RPTOR: variants seen among roughly 807,000 people sequenced by gnomAD.
RPTOR encodes the protein regulatory associated protein of MTOR complex 1, also known as regulatory-associated protein of mTOR.
Under a neutral mutation model 169.9 loss-of-function variants are expected in RPTOR, and 21 were observed. The observed-to-expected ratio is 0.12, with a 90% confidence interval of 0.09 to 0.18. The LOEUF is 0.18. Among genes scored for constraint, RPTOR ranks in the 10% least tolerant of loss-of-function variants. The probability of loss-of-function intolerance (pLI) is 1.00; values close to 1 mark genes in which losing one functional copy is unlikely to be tolerated. For missense variants in RPTOR, 1,133 were observed against 1,855.9 expected, an observed-to-expected ratio of 0.61 and a Z score of 7.16; for synonymous variants, 732 against 753.2, an observed-to-expected ratio of 0.97 and a Z score of 0.46.
At chr17:80,687,385 C>T (rs1010559907) in intron 3 of RPTOR, among the ~76,000 whole-genome samples, 7 of 152,262 alleles carry the variant, frequency 4.6e-5, no homozygotes, top group African/African-American at 1.7e-4. Flanking sequence ...AGGACTCTGC[C>T]ACTGGTCACT....
At chr17:80,681,787 A>ATGAGGTGTACGTCTCTTACACCTTCT (rs796827564) in intron 3 of RPTOR, among the ~76,000 whole-genome samples, 1 of 61,250 alleles carries the variant, frequency 1.6e-5, no homozygotes, top group Non-Finnish European at 3.3e-5. Context: ...TTACACCTTC[A>ATGAGGTGTACGTCTCTTACACCTTCT]TGAGGTGTAC....
intron 20 of RPTOR, among the ~76,000 whole-genome samples, chr17:80,904,931 T>C (rs978640828): frequency 6.6e-6 from 1 of 152,212 alleles, no homozygotes; most frequent in African/African-American, 2.4e-5. Context: ...TTTTTTCCCC[T>C]GTTGAGTCGC....
intron 3 of RPTOR, among the ~76,000 whole-genome samples, chr17:80,661,195 G>A (rs1220751232): frequency 1.3e-5 from 2 of 152,180 alleles, no homozygotes; most frequent in Non-Finnish European, 2.9e-5. Flanking sequence ...TGGCTGACTT[G>A]GTGAAATCTT....
chr17:80,855,369 C>A, intron 11 of RPTOR, 95 bp from the exon 12 acceptor site: 1 of 886,634 alleles, frequency 1.1e-6, no homozygotes, highest in South Asian at 1.4e-5. Context: ...GAACTGTGGT[C>A]AGACCGCTCC....
At chr17:80,811,744 G>A (rs1419108285) in intron 7 of RPTOR, among the ~76,000 whole-genome samples, 11 of 123,564 alleles carry the variant, frequency 8.9e-5, no homozygotes, top group African/African-American at 3.4e-4. Flanking sequence ...CTCCAACAAG[G>A]CCTCAACCTC....
At chr17:80,638,754 A>G (rs1031273806) in intron 2 of RPTOR, among the ~76,000 whole-genome samples, 4 of 152,202 alleles carry the variant, frequency 2.6e-5, no homozygotes, top group East Asian at 1.9e-4. Context: ...AAGTGAGGAC[A>G]GTTTTTTAAA....
At chr17:80,583,182 G>GTTTTTTTTTTTTTT (rs1166711662) in intron 1 of RPTOR, among the ~76,000 whole-genome samples, 46 of 79,248 alleles carry the variant, frequency 5.8e-4, no homozygotes, top group Non-Finnish European at 8.1e-4. Context: ...CCTCTTTCCT[G>GTTTTTTTTTTTTTT]TTTTTTTTTT....
intron 6 of RPTOR, among the ~76,000 whole-genome samples, chr17:80,773,072 G>A (rs118011999): frequency 0.016 from 2,496 of 152,312 alleles, 28 homozygotes; most frequent in Non-Finnish European, 0.026. Flanking sequence ...GGTGGCATGC[G>A]CTGGCACTGG....
chr17:80,555,190 C>T (rs1268773420), intron 1 of RPTOR, among the ~76,000 whole-genome samples: 1 of 152,152 alleles, frequency 6.6e-6, no homozygotes, highest in Admixed American at 6.5e-5. Flanking sequence ...TCAGGCAGGG[C>T]CTTGAAGTGA....
At chr17:80,755,271 T>C (rs1048847827) in intron 6 of RPTOR, among the ~76,000 whole-genome samples, 4 of 152,088 alleles carry the variant, frequency 2.6e-5, no homozygotes, top group South Asian at 4.1e-4. Context: ...GGGAGAGACC[T>C]CCTTTTAGTG....
At chr17:80,648,453 C>A (rs2065613689) in intron 3 of RPTOR, among the ~76,000 whole-genome samples, 1 of 151,952 alleles carries the variant, frequency 6.6e-6, no homozygotes, top group Admixed American at 6.6e-5. Context: ...TGCTGCTTGA[C>A]CTGTCCACCT....
chr17:80,929,752 C>T (rs1015070643), intron 24 of RPTOR, among the ~76,000 whole-genome samples: 6 of 152,196 alleles, frequency 3.9e-5, no homozygotes, highest in Non-Finnish European at 7.4e-5. Flanking sequence ...ATAGTCCCCA[C>T]GCAGGGTTCC....
intron 28 of RPTOR, among the ~76,000 whole-genome samples, chr17:80,951,526 C>T (rs116135481): frequency 1.2e-4 from 18 of 152,324 alleles, no homozygotes; most frequent in African/African-American, 4.3e-4. Flanking sequence ...GAAGGCTGTG[C>T]CAGCTGTGGG....
chr17:80,930,132 G>C (rs1057098353), intron 24 of RPTOR, among the ~76,000 whole-genome samples: 149 of 11,410 alleles, frequency 0.013, no homozygotes, highest in Non-Finnish European at 0.013. Flanking sequence ...ATCCCCAGCT[G>C]CTCCTCAGCT....
chr17:80,579,601 C>CTT (rs2064997420), intron 1 of RPTOR, among the ~76,000 whole-genome samples: 1 of 152,244 alleles, frequency 6.6e-6, no homozygotes, highest in South Asian at 2.1e-4. Context: ...AGGATCTAGT[C>CTT]TTTTCTCTCT....
intron 9 of RPTOR, among the ~76,000 whole-genome samples, chr17:80,831,443 T>C (rs906936784): frequency 2.0e-5 from 3 of 152,228 alleles, no homozygotes; most frequent in African/African-American, 7.2e-5. Context: ...TTAGACACTC[T>C]CACCACGTCC....
At chr17:80,891,348 T>C (rs2068320879) in intron 17 of RPTOR, among the ~76,000 whole-genome samples, 2 of 152,200 alleles carry the variant, frequency 1.3e-5, no homozygotes, top group Admixed American at 6.5e-5. Context: ...TAGAGCGGCG[T>C]TTTCAGCCAG....
intron 2 of RPTOR, among the ~76,000 whole-genome samples, chr17:80,632,326 TC>T (rs1183060035): frequency 6.6e-6 from 1 of 152,228 alleles, no homozygotes; most frequent in Non-Finnish European, 1.5e-5. Context: ...CTGTGTGTGC[TC>T]CGGGGACGGG....
chr17:80,674,787 C>CAAAAA (rs9319608), intron 3 of RPTOR, among the ~76,000 whole-genome samples: 30 of 89,974 alleles, frequency 3.3e-4, no homozygotes, highest in African/African-American at 5.7e-4. Context: ...GACTCTGTCT[C>CAAAAA]AAAAAAAAAA....
Sources: gnomAD v4.1 joint callset for allele counts (sites outside exome capture counted in the v4.1 genomes callset) on GRCh38, gnomAD v4.1.1 for gene constraint, MANE v1.5 for transcripts, NCBI Gene and HGNC (gene_info 2026-07-23, HGNC 2026-07-21) for gene names.